The following SLC4A10 variants were observed in gnomAD, a reference collection of about 807,000 sequenced individuals.
SLC4A10 encodes the protein sodium-driven chloride bicarbonate exchanger.
A neutral mutation model predicts 137.7 loss-of-function variants in SLC4A10; 42 were observed. That is an observed-to-expected ratio of 0.30 (90% CI 0.24 to 0.39). SLC4A10 has a LOEUF of 0.39. Among genes scored for constraint, SLC4A10 ranks in the 10% least tolerant of loss-of-function variants. The pLI is 1.00. For synonymous variants in SLC4A10, 474 were observed against 464.1 expected, an observed-to-expected ratio of 1.02 and a Z score of -0.27; for missense variants, 925 against 1,355.0, an observed-to-expected ratio of 0.68 and a Z score of 4.98.
chr2:161,727,421 C>A (rs544288768), intron 1 of SLC4A10, among the ~76,000 whole-genome samples: 7 of 152,238 alleles, frequency 4.6e-5, no homozygotes, highest in Admixed American at 2.0e-4. Flanking sequence ...AGCAGATAAC[C>A]AAAGATTATG....
At chr2:161,838,949 C>G (rs1166837261) in intron 3 of SLC4A10, among the ~76,000 whole-genome samples, 1 of 152,158 alleles carries the variant, frequency 6.6e-6, no homozygotes, top group Non-Finnish European at 1.5e-5. Context: ...GACTAGCAAT[C>G]CTACTTCTAG....
At chr2:161,695,544 CT>C (rs1215111337) in intron 1 of SLC4A10, among the ~76,000 whole-genome samples, 1 of 151,984 alleles carries the variant, frequency 6.6e-6, no homozygotes, top group Non-Finnish European at 1.5e-5. Flanking sequence ...AGACTTTAAC[CT>C]ACATATTTAT....
chr2:161,651,823 C>T (rs2036841702), intron 1 of SLC4A10, among the ~76,000 whole-genome samples: 1 of 58,790 alleles, frequency 1.7e-5, no homozygotes, highest in East Asian at 7.3e-4. Flanking sequence ...GCCTAGCTTG[C>T]CCTTGGCAGG....
At chr2:161,897,457 T>C (rs1285778693) in intron 11 of SLC4A10, among the ~76,000 whole-genome samples, 2 of 152,104 alleles carry the variant, frequency 1.3e-5, no homozygotes, top group Admixed American at 6.6e-5. Flanking sequence ...GAATTAGAAA[T>C]TTTCCTGCTT....
intron 1 of SLC4A10, among the ~76,000 whole-genome samples, chr2:161,753,759 C>G (rs915547689): frequency 5.3e-5 from 8 of 152,066 alleles, no homozygotes; most frequent in African/African-American, 1.9e-4. Flanking sequence ...GGCAGAGATT[C>G]TTACATAAAA....
intron 1 of SLC4A10, among the ~76,000 whole-genome samples, chr2:161,766,107 G>T (rs1329327978): frequency 6.6e-6 from 1 of 152,078 alleles, no homozygotes; most frequent in Admixed American, 6.6e-5. Context: ...AAGGCGTACT[G>T]TATATGAAGC....
chr2:161,680,052 T>A (rs2040681766), intron 1 of SLC4A10, among the ~76,000 whole-genome samples: 1 of 152,116 alleles, frequency 6.6e-6, no homozygotes, highest in South Asian at 2.1e-4. Flanking sequence ...TTGTCTATGG[T>A]GTTTCCCTTT....
chr2:161,928,322 T>C (rs1689604434), intron 15 of SLC4A10, among the ~76,000 whole-genome samples: 1 of 131,112 alleles, frequency 7.6e-6, no homozygotes, highest in Non-Finnish European at 1.5e-5. Flanking sequence ...AATTGAACAA[T>C]GAGAACACAT....
At chr2:161,937,849 G>T (rs1691862183) in intron 15 of SLC4A10, among the ~76,000 whole-genome samples, 1 of 152,106 alleles carries the variant, frequency 6.6e-6, no homozygotes, top group South Asian at 2.1e-4. Flanking sequence ...AGGCTTACTT[G>T]AAGGTTACCG....
At chr2:161,759,336 C>T (rs1036985333) in intron 1 of SLC4A10, among the ~76,000 whole-genome samples, 6 of 151,770 alleles carry the variant, frequency 4.0e-5, no homozygotes, top group South Asian at 2.1e-4. Flanking sequence ...GTGTGTGGTG[C>T]GAACACTTAA....
chr2:161,672,027 G>T (rs562446924), intron 1 of SLC4A10, among the ~76,000 whole-genome samples: 91 of 152,230 alleles, frequency 6.0e-4, no homozygotes, highest in African/African-American at 2.2e-3. Context: ...AGTCTTAAAA[G>T]GAATTTGTGA....
intron 2 of SLC4A10, among the ~76,000 whole-genome samples, chr2:161,802,070 GC>G (rs2055428348): frequency 6.6e-6 from 1 of 151,894 alleles, no homozygotes; most frequent in African/African-American, 2.4e-5. Flanking sequence ...TTGGTAAAGG[GC>G]TTTTTGTGCA....
intron 2 of SLC4A10, among the ~76,000 whole-genome samples, chr2:161,785,898 C>A (rs1051507034): frequency 6.6e-6 from 1 of 151,732 alleles, no homozygotes; most frequent in Non-Finnish European, 1.5e-5. Flanking sequence ...ATTCTGTGGT[C>A]GTTGAATGGA....
At chr2:161,632,241 A>C (rs1247347885) in intron 1 of SLC4A10, among the ~76,000 whole-genome samples, 1 of 151,744 alleles carries the variant, frequency 6.6e-6, no homozygotes, top group Non-Finnish European at 1.5e-5. Context: ...AACAACTACC[A>C]GATGGGATCA....
chr2:161,885,675 G>A (rs2062209183), intron 10 of SLC4A10, among the ~76,000 whole-genome samples: 3 of 152,182 alleles, frequency 2.0e-5, no homozygotes, highest in Admixed American at 2.0e-4. Flanking sequence ...TGCTACCAAT[G>A]TGTTGATCCC....
rs768290869 is a variant in SLC4A10 at position 161,691,628 on chromosome 2, A to G, written c.48+67062A>G. ...ACAAAAATTAAAAATTAATATTGTC[A>G]TCATTTTAAAAAGTAAATAAGTATT... On this transcript the variant is annotated intron_variant, in intron 1 of 26. Transcript: ENST00000446997. 2.6e-5 allele frequency among the ~76,000 whole-genome samples: 4 copies of G among 152,092 alleles called. No individual in the cohort carries two copies. The East Asian group carries it at 5.8e-4, about 22-fold the overall frequency.
chr2:161,785,583 A>C (rs913689950), intron 2 of SLC4A10, among the ~76,000 whole-genome samples: 4 of 151,850 alleles, frequency 2.6e-5, no homozygotes, highest in Admixed American at 6.6e-5. Context: ...CAAATCAATA[A>C]ATGTGATGTG....
rs545676131 is a variant in SLC4A10 at position 161,711,813 on chromosome 2, G to T, written c.49-59160G>T. ...TGCTACTTACTGGCTGCATGATCTT[G>T]GCTTGTTTCCTGATGTGTAATATAG... On this transcript the variant is annotated intron_variant, in intron 1 of 26. Transcript: ENST00000446997. Among the ~76,000 whole-genome samples the T allele has an allele frequency of 6.9e-4, 105 of 151,854 alleles. 1 individual carries two copies. The highest frequency in any genetic ancestry group is 1.3e-3 in the Non-Finnish European group (85 of 67,834).
chr2:161,720,327 G>A (rs573039397), intron 1 of SLC4A10, among the ~76,000 whole-genome samples: 15 of 152,166 alleles, frequency 9.9e-5, no homozygotes, highest in East Asian at 7.7e-4. Flanking sequence ...GTCAGGTAGC[G>A]TGATGCCTCC....
Sources: allele counts gnomAD v4.1 joint callset (sites outside exome capture counted in the v4.1 genomes callset), GRCh38; gene constraint gnomAD v4.1.1; transcripts MANE v1.5; gene names NCBI Gene and HGNC (gene_info 2026-07-23, HGNC 2026-07-21).